The following TCF4 variants were observed in gnomAD, a reference collection of about 807,000 sequenced individuals.
TCF4 encodes the protein SL3-3 enhancer factor 2.
Under a neutral mutation model 82.1 loss-of-function variants are expected in TCF4, and 3 were observed. The ratio of observed to expected loss-of-function variants is 0.04; its 90% CI spans 0.02 to 0.09. The LOEUF is 0.09. TCF4 is among the 10% of genes least tolerant of loss of function. The probability of loss-of-function intolerance (pLI) is 1.00; values close to 1 mark genes in which losing one functional copy is unlikely to be tolerated. For synonymous variants in TCF4, 276 were observed against 309.6 expected (o/e 0.89, Z 1.14); for missense variants, 518 against 852.7 (o/e 0.61, Z 4.89).
intron 3 of TCF4, among the ~76,000 whole-genome samples, chr18:55,503,573 C>A (rs745701399): frequency 6.6e-6 from 1 of 152,176 alleles, no homozygotes; most frequent in Admixed American, 6.5e-5. Flanking sequence ...GTGTTATCCA[C>A]GAATAAGTAC....
intron 5 of TCF4, among the ~76,000 whole-genome samples, chr18:55,435,537 G>A (rs1363872753): frequency 6.6e-6 from 1 of 152,208 alleles, no homozygotes; most frequent in Non-Finnish European, 1.5e-5. Flanking sequence ...TGCTGAGTAT[G>A]TATTTGCAGA....
chr18:55,408,381 T>A (rs1232473575), intron 5 of TCF4, among the ~76,000 whole-genome samples: 1 of 152,154 alleles, frequency 6.6e-6, no homozygotes, highest in Non-Finnish European at 1.5e-5. Flanking sequence ...CATGTTTGAC[T>A]CAGAATAAAT....
At chr18:55,362,435 A>AAGG (rs1569192661) in intron 6 of TCF4, among the ~76,000 whole-genome samples, 10 of 122,324 alleles carry the variant, frequency 8.2e-5, no homozygotes, top group Admixed American at 2.3e-4. Context: ...GGAAGGAAGG[A>AAGG]AAAAAAAAAA....
intron 11 of TCF4, 113 bp downstream of exon 11, chr18:55,269,718 G>C: frequency 7.5e-7 from 1 of 1,326,708 alleles, no homozygotes; most frequent in Non-Finnish European, 1.1e-6. Context: ...TCTGTCATGT[G>C]ACTAATATTT....
chr18:55,233,595 C>T (rs1048339600), intron 16 of TCF4, among the ~76,000 whole-genome samples: 1 of 152,030 alleles, frequency 6.6e-6, no homozygotes, highest in African/African-American at 2.4e-5. Context: ...GCGGGTGCAT[C>T]ACTTGAGGTC....
Position 55,227,901 on chromosome 18 carries a change from T to G in TCF4, c.*134A>C, listed in dbSNP as rs1250108728. On this transcript the variant is annotated 3_prime_UTR_variant, in exon 20 of 20. Coordinates refer to ENST00000354452, the MANE Select transcript of TCF4 (RefSeq NM_001083962.2). The stretch of plus-strand genomic sequence containing the variant: ...TGCTGAAACCTCTTGCGTCTGCGAT[T>G]CATAACTACTCAGACTTGTCTTATA... 7.5e-6 allele frequency: 2 copies of G among 265,384 alleles called. No individual in the cohort carries two copies. Among genetic ancestry groups the G allele is most frequent in the Admixed American group, 1.0e-4 (2 of 19,990 alleles). 16.4% of individuals were successfully genotyped at this position (265,384 alleles called of 1,614,324 possible).
Position 55,399,853 on chromosome 18 carries a change from ATCTCTCTC to A in TCF4, c.369+3593_369+3600del, listed in dbSNP as rs35948563. ...TTTCTCTCTCTCTCTCTCTCTCCCC[ATCTCTCTC>A]TCTCTCTCTCTCTCTCTCTCACACA... is the stretch of plus-strand genomic sequence containing the variant. On this transcript the variant is annotated intron_variant, in intron 6 of 19. Coordinates refer to ENST00000354452, the MANE Select transcript of TCF4 (RefSeq NM_001083962.2). Among the ~76,000 whole-genome samples the A allele has an allele frequency of 2.0e-3, 164 of 83,786 alleles. 1 individual carries two copies. The highest frequency in any genetic ancestry group is 6.6e-3 in the African/African-American group (133 of 20,188). The allele number at this position is 83,786 out of a possible 152,430, so 55.0% of individuals were successfully genotyped here. A position where few individuals can be genotyped will look rare whatever the true frequency, so the allele number is the denominator to read the frequency against.
intron 8 of TCF4, among the ~76,000 whole-genome samples, chr18:55,340,447 G>A (rs2079649599): frequency 6.6e-6 from 1 of 151,920 alleles, no homozygotes; most frequent in Admixed American, 6.6e-5. Context: ...GCCAGGTGTG[G>A]TGGTTGTGAA....
intron 3 of TCF4, among the ~76,000 whole-genome samples, chr18:55,527,052 C>T (rs530335437): frequency 2.0e-5 from 3 of 152,078 alleles, no homozygotes; most frequent in Non-Finnish European, 4.4e-5. Context: ...AAATTGTGCA[C>T]CACTTAGACA....
chr18:55,403,543 T>C, intron 5 of TCF4, 25 bp from the exon 6 acceptor site: 4 of 1,613,780 alleles, frequency 2.5e-6, no homozygotes, highest in Non-Finnish European at 2.5e-6. Flanking sequence ...GACAAAAAAG[T>C]GTAAATTGTG....
intron 5 of TCF4, among the ~76,000 whole-genome samples, chr18:55,442,103 T>C (rs1215841394): frequency 6.6e-6 from 1 of 152,178 alleles, no homozygotes; most frequent in Non-Finnish European, 1.5e-5. Context: ...CAATGAACAA[T>C]GTGCAAAATA....
rs1346604225 is a variant in TCF4 at position 55,303,236 on chromosome 18, C to CACACACACACACACACACCCCT, written c.550-23581_550-23580insAGGGGTGTGTGTGTGTGTGTGT. Among the ~76,000 whole-genome samples, 310 of 148,536 alleles carry CACACACACACACACACACCCCT rather than the reference C, an allele frequency of 2.1e-3. 2 individuals are homozygous for CACACACACACACACACACCCCT. Among genetic ancestry groups the CACACACACACACACACACCCCT allele is most frequent in the African/African-American group, 7.1e-3 (285 of 40,158 alleles). On this transcript the variant is annotated intron_variant, in intron 8 of 19. Transcript: ENST00000354452. ...CTGGCTCCCAGTACGTACACACACA[C>CACACACACACACACACACCCCT]ACACACACACACACACACACACACA...
chr18:55,464,282 C>A, intron 3 of TCF4, 145 bp from the exon 4 acceptor site: 1 of 732,076 alleles, frequency 1.4e-6, no homozygotes, highest in Non-Finnish European at 2.4e-6. Flanking sequence ...ATAGTGGCTT[C>A]TGACCCATCT....
intron 6 of TCF4, among the ~76,000 whole-genome samples, chr18:55,402,526 A>G (rs1400594233): frequency 6.6e-6 from 1 of 152,164 alleles, no homozygotes; most frequent in Admixed American, 6.5e-5. Context: ...GTTTGCGTGA[A>G]TAATAAAAAC....
intron 6 of TCF4, among the ~76,000 whole-genome samples, chr18:55,353,684 T>A (rs868395682): frequency 2.0e-5 from 3 of 152,198 alleles, no homozygotes; most frequent in Non-Finnish European, 2.9e-5. Context: ...TACTTAACTC[T>A]CTGTAGCAAT....
chr18:55,391,385 T>C (rs1310086157), intron 6 of TCF4, among the ~76,000 whole-genome samples: 1 of 152,168 alleles, frequency 6.6e-6, no homozygotes, highest in Non-Finnish European at 1.5e-5. Context: ...TCAATATTTT[T>C]CTATATGACA....
At chr18:55,392,892 T>A (rs1010421746) in intron 6 of TCF4, among the ~76,000 whole-genome samples, 5 of 152,228 alleles carry the variant, frequency 3.3e-5, no homozygotes, top group African/African-American at 9.6e-5. Flanking sequence ...AAATTCTTCT[T>A]GGTTAAATCA....
At chr18:55,251,353 C>G (rs57162287) in intron 15 of TCF4, among the ~76,000 whole-genome samples, 15,278 of 151,974 alleles carry the variant, frequency 0.1, 905 homozygotes, top group African/African-American at 0.13. Context: ...TATACTAATA[C>G]TTAGTAAATC....
At chr18:55,442,073 A>G (rs1333188738) in intron 5 of TCF4, among the ~76,000 whole-genome samples, 2 of 152,354 alleles carry the variant, frequency 1.3e-5, no homozygotes, top group East Asian at 3.9e-4. Context: ...ACAGAACTAT[A>G]ATAGCCTGAA....
Sources: allele counts gnomAD v4.1 joint callset (sites outside exome capture counted in the v4.1 genomes callset), GRCh38; gene constraint gnomAD v4.1.1; transcripts MANE v1.5; gene names NCBI Gene and HGNC (gene_info 2026-07-23, HGNC 2026-07-21).